The following LHX6 variants were observed in gnomAD, a reference collection of about 807,000 sequenced individuals.
The protein encoded by LHX6 is LIM homeobox 6.
In LHX6, 15 loss-of-function variants were observed where a neutral mutation model predicts 47.1. That is an observed-to-expected ratio of 0.32 (90% CI 0.21 to 0.49). LHX6 has a LOEUF of 0.49. Ranked by LOEUF, LHX6 falls within the 20% of genes least tolerant of loss-of-function variation. LHX6 has a pLI of 0.99. For missense variants in LHX6, 404 were observed against 539.6 expected, an observed-to-expected ratio of 0.75 and a Z score of 2.49; for synonymous variants, 242 against 233.5, an observed-to-expected ratio of 1.04 and a Z score of -0.33.
chr9:122,223,749 T>C (rs1030334290), intron 4 of LHX6, among the ~76,000 whole-genome samples: 10 of 152,212 alleles, frequency 6.6e-5, no homozygotes, highest in Non-Finnish European at 1.5e-4. Flanking sequence ...ATCCGTGTTT[T>C]GACTAGTTTC....
intron 4 of LHX6, chr9:122,221,048 C>T (rs1830832590): frequency 1.0e-6 from 1 of 981,460 alleles, no homozygotes; most frequent in Non-Finnish European, 1.2e-6. Flanking sequence ...ATGTTAGTTA[C>T]CAAGCTATTG....
In LHX6 at chr9:122,228,686, G is replaced by T; in HGVS notation, c.55C>A (p.Pro19Thr). The T allele has an allele frequency of 7.8e-7, 1 of 1,290,320 alleles. No homozygotes were observed. The highest frequency in any genetic ancestry group is 9.8e-7 in the Non-Finnish European group (1 of 1,019,616). The allele number at this position is 1,290,320 out of a possible 1,614,324, so 79.9% of individuals were successfully genotyped here. The change falls in exon 1 of 10, where the codon CCG (proline) becomes ACG (threonine). Residue 19 changes from proline to threonine, a missense_variant. By Grantham distance (38) the Pro-to-Thr change is conservative. This residue lies in a region of LHX6 where 144 missense variants were observed against 128.7 expected (regional missense o/e 1.12). Transcript: ENST00000394319. ...APALPEGCRL[P>T]AEGGPATDQV... is the part of the protein sequence containing the mutation. ...TCGGTGGCGGGGCCGCCCTCGGCCG[G>T]CAGCCGGCAGCCCTCGGGCAACGCC... is the stretch of plus-strand genomic sequence containing the variant.
intron 5 of LHX6, among the ~76,000 whole-genome samples, chr9:122,215,446 C>A (rs78644860): frequency 6.6e-6 from 1 of 152,162 alleles, no homozygotes; most frequent in African/African-American, 2.4e-5. Context: ...TAAGAGAGAT[C>A]GGAGGCCCCA....
intron 1 of LHX6, chr9:122,228,456 C>T (rs1171724834): frequency 4.9e-6 from 7 of 1,440,902 alleles, no homozygotes; most frequent in Non-Finnish European, 6.3e-6. Context: ...ATTCCTCCAA[C>T]ATTTGCATAA....
Position 122,204,634 on chromosome 9 carries a change from G to T in LHX6, c.*126C>A. ...GCCTCGGGAACCGACCTGGTGGTGG[G>T]CAGGATGGCGGACGGGGGTGGATGC... is the stretch of plus-strand genomic sequence containing the variant. On this transcript the variant is annotated 3_prime_UTR_variant, in exon 10 of 10. Coordinates refer to ENST00000394319, the MANE Select transcript of LHX6 (RefSeq NM_014368.5). 8.5e-7 allele frequency: 1 copy of T among 1,178,812 alleles called. No homozygotes were observed. 73.0% of individuals were successfully genotyped at this position (1,178,812 alleles called of 1,614,324 possible).
At position 122,227,473 on chromosome 9, in the gene LHX6, G is replaced by A; in HGVS notation, c.92C>T (p.Ala31Val). The A allele has an allele frequency of 1.6e-6, 1 of 645,032 alleles. No individual in the cohort carries two copies. The highest frequency in any genetic ancestry group is 2.5e-6 in the Non-Finnish European group (1 of 406,368). 40.0% of individuals were successfully genotyped at this position (645,032 alleles called of 1,614,324 possible). A position where few individuals can be genotyped will look rare whatever the true frequency, so the allele number is the denominator to read the frequency against. The change falls in exon 2 of 10, where the codon GCC (alanine) becomes GTC (valine). Residue 31 changes from alanine to valine, a missense_variant. Ala to Val is a moderately conservative substitution (Grantham distance 64, BLOSUM62 0). Transcript: ENST00000394319. Reference protein sequence around the residue: ...EGGPATDQVMAQPGSGCKATT... With the variant: ...EGGPATDQVMVQPGSGCKATT... ...CGCTTTGCAGCCGGACCCTGGCTGG[G>A]CCATCACCTGGGGGAGGGGGGGAGG...
intron 4 of LHX6, chr9:122,221,665 C>T (rs895992173): frequency 2.0e-6 from 2 of 985,488 alleles, no homozygotes; most frequent in East Asian, 2.3e-4. Context: ...CTGATATTGA[C>T]AAAGGTGCTC....
At chr9:122,211,828 TCTACACCAAGTATTAGCA>T (rs1191969623) in intron 8 of LHX6, among the ~76,000 whole-genome samples, 4 of 152,226 alleles carry the variant, frequency 2.6e-5, no homozygotes, top group Non-Finnish European at 5.9e-5. Flanking sequence ...TCTTATTGAC[TCTACACCAAGTATTAGCA>T]GGTAGCTCAG....
At chr9:122,216,346 C>G (rs1033171604) in intron 5 of LHX6, among the ~76,000 whole-genome samples, 5 of 152,186 alleles carry the variant, frequency 3.3e-5, no homozygotes, top group African/African-American at 7.2e-5. Context: ...CCCCAGGATC[C>G]GTGGAAGACC....
intron 5 of LHX6, among the ~76,000 whole-genome samples, chr9:122,216,431 G>A (rs2118865373): frequency 6.6e-6 from 1 of 152,322 alleles, no homozygotes; most frequent in South Asian, 2.1e-4. Context: ...TTCTAGTCCA[G>A]TATCTGTCTT....
At position 122,226,328 on chromosome 9, in the gene LHX6, C is replaced by G; in HGVS notation, c.461+48G>C. On this transcript the variant is annotated intron_variant, in intron 4 of 9. Coordinates refer to ENST00000394319, the MANE Select transcript of LHX6 (RefSeq NM_014368.5). This position sits in a 1 kb window ranked among gnomAD's most constrained non-coding sequence, Gnocchi z 6.5. Reference sequence around the variant, plus strand: ...CCGCAAAAGTGGCCTCCGAATGCGCCCGGGGCCTGCCCTCGGCGACACTGC... The same window carrying G: ...CCGCAAAAGTGGCCTCCGAATGCGCGCGGGGCCTGCCCTCGGCGACACTGC... The G allele has an allele frequency of 6.3e-7, 1 of 1,579,320 alleles. No individual in the cohort carries two copies. Among genetic ancestry groups the G allele is most frequent in the Non-Finnish European group, 8.6e-7 (1 of 1,161,752 alleles).
chr9:122,204,716 C>A lies in LHX6; in HGVS notation c.*44G>T. On this transcript the variant is annotated 3_prime_UTR_variant, in exon 10 of 10. Coordinates refer to ENST00000394319, the MANE Select transcript of LHX6 (RefSeq NM_014368.5). ...ACACTGGATCTCAGCGGCTGAGGGG[C>A]AGCTGTGGGGCGCCCACGGGCAGAT... 6.3e-7 allele frequency: 1 copy of A among 1,593,038 alleles called. No homozygotes were observed. The highest frequency in any genetic ancestry group is 1.3e-5 in the African/African-American group (1 of 74,306).
At chr9:122,206,196 C>T (rs945482135) in intron 9 of LHX6, among the ~76,000 whole-genome samples, 17 of 152,182 alleles carry the variant, frequency 1.1e-4, no homozygotes, top group Non-Finnish European at 7.3e-5. Flanking sequence ...GGCCAAATGA[C>T]GATGCGGTGG....
Position 122,214,482 on chromosome 9 carries a change from G to T in LHX6, c.683-99C>A. 7.2e-7 allele frequency: 1 copy of T among 1,398,538 alleles called. No individual in the cohort carries two copies. Among genetic ancestry groups the T allele is most frequent in the South Asian group, 1.6e-5 (1 of 63,220 alleles). The allele number at this position is 1,398,538 out of a possible 1,614,324, so 86.6% of individuals were successfully genotyped here. A position where few individuals can be genotyped will look rare whatever the true frequency, so the allele number is the denominator to read the frequency against. ...GGGAGCTTGTCCCTGGAAGGGTCAG[G>T]AGCGGGAGTTGGCTGGGAGCAGGGA... On this transcript the variant is annotated intron_variant, in intron 5 of 9. Coordinates refer to ENST00000394319, the MANE Select transcript of LHX6 (RefSeq NM_014368.5). The surrounding 1 kb of genome is among the most constrained non-coding windows in gnomAD (Gnocchi z 4.6).
chr9:122,214,170 G>GGCCCC lies in LHX6; in HGVS notation c.784-106_784-102dup. ...CACAGGCCACGCCCCAGGCAGCTGC[G>GGCCCC]GCCCCGCCCCGCCACCCGGGTCCGG... On this transcript the variant is annotated intron_variant, in intron 6 of 9. Coordinates refer to ENST00000394319, the MANE Select transcript of LHX6 (RefSeq NM_014368.5). The surrounding 1 kb of genome is among the most constrained non-coding windows in gnomAD (Gnocchi z 4.6). 7.1e-7 allele frequency: 1 copy of GGCCCC among 1,399,744 alleles called. No homozygotes were observed. Among genetic ancestry groups the GGCCCC allele is most frequent in the Non-Finnish European group, 9.5e-7 (1 of 1,049,208 alleles). The allele number at this position is 1,399,744 out of a possible 1,614,324, so 86.7% of individuals were successfully genotyped here.
chr9:122,218,344 C>CACTT (rs1830677518), intron 4 of LHX6, among the ~76,000 whole-genome samples: 1 of 152,182 alleles, frequency 6.6e-6, no homozygotes, highest in Non-Finnish European at 1.5e-5. Flanking sequence ...ATGGTGCCAC[C>CACTT]ACTTACCCAG....
intron 4 of LHX6, among the ~76,000 whole-genome samples, chr9:122,218,920 C>A (rs947028570): frequency 3.9e-5 from 6 of 152,284 alleles, no homozygotes; most frequent in East Asian, 1.9e-4. Context: ...TCAGCGCTGA[C>A]CACACTGGTT....
Position 122,228,747 on chromosome 9 carries a change from G to T in LHX6, c.-7C>A. ...TCTCATGCTTCCAGTACATGGGCCG[G>T]GGAACCTCGGGCTCAGCGGGCGCGC... On this transcript the variant is annotated 5_prime_UTR_variant, in exon 1 of 10. Transcript: ENST00000394319. 7.9e-7 allele frequency: 1 copy of T among 1,259,932 alleles called. No homozygotes were observed. The allele number at this position is 1,259,932 out of a possible 1,614,324, so 78.0% of individuals were successfully genotyped here. A position where few individuals can be genotyped will look rare whatever the true frequency, so the allele number is the denominator to read the frequency against.
chr9:122,228,665 T>C lies in LHX6; in HGVS notation c.76A>G (p.Thr26Ala). 7.7e-7 allele frequency: 1 copy of C among 1,291,024 alleles called. No homozygotes were observed. Among genetic ancestry groups the C allele is most frequent in the Non-Finnish European group, 9.8e-7 (1 of 1,021,110 alleles). 80.0% of individuals were successfully genotyped at this position (1,291,024 alleles called of 1,614,324 possible). The change falls in exon 1 of 10, where the codon ACC becomes GCC. Residue 26 changes from threonine to alanine, a missense_variant. Physicochemically the swap from Thr to Ala is moderately conservative, Grantham distance 58. Around this residue, in one of 7 missense-constraint regions of LHX6, gnomAD observed 144 missense variants for 128.7 expected, o/e 1.12. Transcript: ENST00000394319. ...CRLPAEGGPA[T>A]DQVMAQPGSG... Reference sequence around the variant, plus strand: ...GTCGTTCGCCGGCTCACCTGGTCGGTGGCGGGGCCGCCCTCGGCCGGCAGC... The same window carrying C: ...GTCGTTCGCCGGCTCACCTGGTCGGCGGCGGGGCCGCCCTCGGCCGGCAGC...
Sources: allele counts gnomAD v4.1 joint callset (sites outside exome capture counted in the v4.1 genomes callset), GRCh38; gene constraint gnomAD v4.1.1; regional missense constraint gnomAD v4.1.1; non-coding constraint Gnocchi (gnomAD v3.1); transcripts MANE v1.5; gene names NCBI Gene and HGNC (gene_info 2026-07-23, HGNC 2026-07-21).